PPP1CB: variants seen among roughly 807,000 people sequenced by gnomAD.
PPP1CB encodes the protein protein phosphatase 1 catalytic subunit beta.
A neutral mutation model predicts 43.7 loss-of-function variants in PPP1CB; 2 were observed. That is an observed-to-expected ratio of 0.05 (90% confidence interval 0.02 to 0.14). The LOEUF is 0.14. PPP1CB is among the 10% of genes least tolerant of loss of function. The pLI, the probability that PPP1CB is intolerant of heterozygous loss-of-function variation, is 1.00. For synonymous variants in PPP1CB, 136 were observed against 135.6 expected (o/e 1.00, Z -0.02); for missense variants, 84 against 398.0 (o/e 0.21, Z 6.71).
At chr2:28,796,371 C>G (rs1667497679) in intron 7 of PPP1CB, among the ~76,000 whole-genome samples, 2 of 152,138 alleles carry the variant, frequency 1.3e-5, no homozygotes, top group South Asian at 2.1e-4. Flanking sequence ...AATCTGTAAA[C>G]TACTTTGGGC....
At chr2:28,790,067 G>C (rs1389983229) in intron 6 of PPP1CB, among the ~76,000 whole-genome samples, 2 of 152,106 alleles carry the variant, frequency 1.3e-5, no homozygotes, top group African/African-American at 4.8e-5. Context: ...GATCCTTTGA[G>C]CCCCAGGAGC....
intron 1 of PPP1CB, among the ~76,000 whole-genome samples, chr2:28,771,111 T>TGCA (rs1350138139): frequency 5.1e-5 from 7 of 137,548 alleles, no homozygotes; most frequent in Non-Finnish European, 1.1e-4. Context: ...TGCAGTGCAG[T>TGCA]GGCACGATCG....
At chr2:28,752,208 A>G (rs1181123759) in intron 1 of PPP1CB, 32 bp downstream of exon 1, 3 of 1,518,588 alleles carry the variant, frequency 2.0e-6, no homozygotes, top group Non-Finnish European at 2.7e-6. Context: ...GGACAGAGGG[A>G]GGTCGGGCAC....
rs559532367 is a variant in PPP1CB, at chr2:28,759,520, C to CAAAA, written c.52+7367_52+7370dup. On this transcript the variant is annotated intron_variant, in intron 1 of 7. Coordinates refer to ENST00000395366, the MANE Select transcript of PPP1CB (RefSeq NM_002709.3). ...GGGCGAAAGAGTGAGACTGCATCTC[C>CAAAA]AAAAAAAAAAAAAAAAAAAAAAAAA... Among the ~76,000 whole-genome samples, 19 of 100,820 alleles carry CAAAA rather than the reference C, an allele frequency of 1.9e-4. 1 individual carries two copies. In the East Asian group the frequency reaches 4.4e-3, roughly 23 times the overall value. 66.1% of individuals were successfully genotyped at this position (100,820 alleles called of 152,430 possible).
intron 2 of PPP1CB, 143 bp from the exon 3 acceptor site, chr2:28,778,666 G>A (rs1012424507): frequency 8.3e-6 from 5 of 601,542 alleles, no homozygotes; most frequent in East Asian, 2.8e-5. Context: ...TCTCACTTTC[G>A]CTTATTAGAA....
intron 1 of PPP1CB, among the ~76,000 whole-genome samples, chr2:28,762,632 A>T (rs1372244772): frequency 6.6e-6 from 1 of 152,220 alleles, no homozygotes; most frequent in Non-Finnish European, 1.5e-5. Context: ...TTTAAAAGAG[A>T]TGTGGAATCT....
intron 1 of PPP1CB, among the ~76,000 whole-genome samples, chr2:28,766,475 C>A (rs1666779328): frequency 6.6e-6 from 1 of 152,200 alleles, no homozygotes. Flanking sequence ...TATTTTTCTA[C>A]TTTACCATCA....
At chr2:28,778,285 A>C (rs1202197141) in intron 2 of PPP1CB, 2 of 458,406 alleles carry the variant, frequency 4.4e-6, no homozygotes, top group Admixed American at 4.9e-5. Flanking sequence ...TTGTATAATA[A>C]ATCATTCCAA....
chr2:28,753,707 A>G (rs1041130746), intron 1 of PPP1CB, among the ~76,000 whole-genome samples: 1 of 152,092 alleles, frequency 6.6e-6, no homozygotes, highest in East Asian at 1.9e-4. Context: ...ACATTTGGGA[A>G]GTAGAGGCCT....
intron 1 of PPP1CB, among the ~76,000 whole-genome samples, chr2:28,765,124 A>C (rs1317146502): frequency 6.6e-6 from 1 of 151,684 alleles, no homozygotes; most frequent in Admixed American, 6.6e-5. Flanking sequence ...TTGGAAAGAC[A>C]AACCTGCAAT....
intron 1 of PPP1CB, among the ~76,000 whole-genome samples, chr2:28,760,342 G>A (rs1666612605): frequency 6.6e-6 from 1 of 152,056 alleles, no homozygotes; most frequent in African/African-American, 2.4e-5. Context: ...ATTTATTCTT[G>A]AAGAAAGAAA....
chr2:28,784,025 A>T, intron 5 of PPP1CB, 47 bp downstream of exon 5: 1 of 1,412,546 alleles, frequency 7.1e-7, no homozygotes, highest in Non-Finnish European at 1.0e-6. Flanking sequence ...GTGTTTTCAT[A>T]TTTGAACTTG....
chr2:28,771,161 C>T (rs1205709169), intron 1 of PPP1CB, among the ~76,000 whole-genome samples: 3 of 149,458 alleles, frequency 2.0e-5, no homozygotes, highest in African/African-American at 4.9e-5. Flanking sequence ...TCAAGCGATT[C>T]TCCTGCCTCA....
chr2:28,774,240 C>G (rs893781627), intron 1 of PPP1CB, among the ~76,000 whole-genome samples: 4 of 152,166 alleles, frequency 2.6e-5, no homozygotes, highest in African/African-American at 9.7e-5. Context: ...AGTCTTTTGA[C>G]TTAGTAGTCA....
chr2:28,771,338 A>G (rs777351233), intron 1 of PPP1CB, among the ~76,000 whole-genome samples: 19 of 152,256 alleles, frequency 1.2e-4, no homozygotes, highest in Admixed American at 4.6e-4. Flanking sequence ...GGCATGAGCC[A>G]CTGTACTCGG....
chr2:28,767,447 A>C (rs1410054684), intron 1 of PPP1CB, among the ~76,000 whole-genome samples: 1 of 151,022 alleles, frequency 6.6e-6, no homozygotes, highest in Non-Finnish European at 1.5e-5. Context: ...TGTCTTAAAA[A>C]CACAACATTC....
At chr2:28,760,601 A>T (rs1469581219) in intron 1 of PPP1CB, among the ~76,000 whole-genome samples, 1 of 152,102 alleles carries the variant, frequency 6.6e-6, no homozygotes, top group East Asian at 1.9e-4. Flanking sequence ...TTGGTAAATG[A>T]TGCATAACTG....
chr2:28,788,839 CTT>C (rs987092166), intron 6 of PPP1CB, 30 bp downstream of exon 6: 2 of 1,554,920 alleles, frequency 1.3e-6, no homozygotes, highest in Non-Finnish European at 1.7e-6. Flanking sequence ...TAAGCTTTTT[CTT>C]TTTTCTTTCT....
At chr2:28,767,190 A>G (rs755000916) in intron 1 of PPP1CB, among the ~76,000 whole-genome samples, 30 of 152,232 alleles carry the variant, frequency 2.0e-4, no homozygotes, top group Non-Finnish European at 3.1e-4. Context: ...TTGGCTAACA[A>G]ATGGGCCACT....
Sources: allele counts gnomAD v4.1 joint callset (sites outside exome capture counted in the v4.1 genomes callset), GRCh38; gene constraint gnomAD v4.1.1; transcripts MANE v1.5; gene names NCBI Gene and HGNC (gene_info 2026-07-23, HGNC 2026-07-21).